The following NOTCH1 variants were observed in gnomAD, a reference collection of about 807,000 sequenced individuals.
NOTCH1 encodes neurogenic locus notch homolog protein 1.
In NOTCH1, 37 loss-of-function variants were observed where a neutral mutation model predicts 254.8. The ratio of observed to expected loss-of-function variants is 0.15; its 90% CI spans 0.11 to 0.19. The LOEUF (loss-of-function observed/expected upper bound fraction) is 0.19. NOTCH1 is among the 10% of genes least tolerant of loss of function. NOTCH1 has a pLI of 1.00. For synonymous variants in NOTCH1, 1,731 were observed against 1,618.1 expected, an observed-to-expected ratio of 1.07 and a Z score of -1.68; for missense variants, 2,972 against 3,708.6, an observed-to-expected ratio of 0.80 and a Z score of 5.16.
chr9:136,515,524 C>T lies in NOTCH1; in HGVS notation c.1862G>A (p.Arg621His), dbSNP rs138504021. 1.2e-3 allele frequency: 1,886 copies of T among 1,611,926 alleles called. 1 individual carries two copies. The highest frequency in any genetic ancestry group is 5.8e-3 in the Middle Eastern group (35 of 6,062). ...PCRHGGTCQD[R>H]DNAYLCFCLK... The stretch of plus-strand genomic sequence containing the variant: ...GCAGAAGCAGAGGTAGGCGTTGTCG[C>T]GGTCCTGGCAGGTGCCCCCGTGGCG... Residue 621 changes from arginine to histidine, a missense_variant, in exon 11 of 34, where the codon CGC becomes CAC. This residue lies in a region of NOTCH1 where 1,343 missense variants were observed against 1,557.0 expected (regional missense o/e 0.86). Coordinates refer to ENST00000651671, the MANE Select transcript of NOTCH1 (RefSeq NM_017617.5).
chr9:136,501,850 G>T lies in NOTCH1; in HGVS notation c.5536C>A (p.Gln1846Lys). Residue 1846 changes from glutamine to lysine, a missense_variant, in exon 30 of 34, where the codon CAG becomes AAG. Physicochemically the swap from Gln to Lys is moderately conservative, Grantham distance 53. Coordinates refer to ENST00000651671, the MANE Select transcript of NOTCH1 (RefSeq NM_017617.5). ...DQTDHRQWTQ[Q>K]HLDAADLRMS... ...CGCAGGTCAGCGGCATCCAGGTGCT[G>T]CTGAGTCCACTGCCGGTGGTCTGTC... 7 of 1,612,638 alleles carry T rather than the reference G, an allele frequency of 4.3e-6. No individual in the cohort carries two copies. Among genetic ancestry groups the T allele is most frequent in the Non-Finnish European group, 5.9e-6 (7 of 1,179,968 alleles).
chr9:136,535,519 G>C (rs1470649073), intron 2 of NOTCH1, among the ~76,000 whole-genome samples: 1 of 76,184 alleles, frequency 1.3e-5, no homozygotes, highest in African/African-American at 9.0e-5. Flanking sequence ...GGAGTGGGTG[G>C]AGGGGGGAGC....
rs1024519667 is a variant in NOTCH1 at position 136,519,377 on chromosome 9, G to A, written c.865+66C>T. 1.4e-5 allele frequency: 23 copies of A among 1,598,224 alleles called. No homozygotes were observed. In the African/African-American group the frequency reaches 3.1e-4, roughly 21 times the overall value. On this transcript the variant is annotated intron_variant, in intron 5 of 33. Transcript: ENST00000651671. ...GCTGCTCCCCGCTATGCCTGTGAGT[G>A]CAGTTTAGTAAGTGGGTAGCAGCCC...
intron 2 of NOTCH1, among the ~76,000 whole-genome samples, chr9:136,532,205 C>T (rs1843572634): frequency 1.3e-5 from 2 of 152,140 alleles, no homozygotes; most frequent in Admixed American, 1.3e-4. Flanking sequence ...CCCAAGACAG[C>T]TGGCACAGGC....
At chr9:136,507,825 C>T in intron 21 of NOTCH1, 130 bp downstream of exon 21, 2 of 993,378 alleles carry the variant, frequency 2.0e-6, no homozygotes, top group Non-Finnish European at 3.1e-6. Context: ...CCCAGCCCTC[C>T]CCTAATGAGA....
intron 28 of NOTCH1, 73 bp downstream of exon 28, chr9:136,502,199 A>T: frequency 1.4e-6 from 2 of 1,479,460 alleles, no homozygotes. Context: ...GGAGGGGCAG[A>T]CTCCCGGTGA....
intron 2 of NOTCH1, among the ~76,000 whole-genome samples, chr9:136,536,509 G>A (rs546223147): frequency 7.9e-5 from 12 of 152,316 alleles, no homozygotes; most frequent in Admixed American, 4.6e-4. Context: ...CAGACTGGGC[G>A]GGTGGGGGCT....
intron 2 of NOTCH1, chr9:136,542,847 C>T (rs973905603): frequency 2.0e-5 from 3 of 152,240 alleles, no homozygotes; most frequent in African/African-American, 7.2e-5. Flanking sequence ...TTCCAGACAC[C>T]AAACACCTCC....
rs2133343484 is a variant in NOTCH1 at position 136,506,792 on chromosome 9, G to A, written c.3825C>T (p.Pro1275=). 6.2e-7 allele frequency: 1 copy of A among 1,611,540 alleles called. No homozygotes were observed. Among genetic ancestry groups the A allele is most frequent in the East Asian group, 2.2e-5 (1 of 44,790 alleles). ...EGDVNECLSN[P]CDARGTQNCV... is the part of the protein sequence containing the mutation. Reference sequence around the variant, plus strand: ...AGTTCTGGGTGCCACGGGCGTCGCAGGGATTGGACAGGCACTCGTTGACAT... The same window carrying A: ...AGTTCTGGGTGCCACGGGCGTCGCAAGGATTGGACAGGCACTCGTTGACAT... Residue 1275 remains proline, a synonymous_variant, in exon 23 of 34, where the codon CCC becomes CCT. Coordinates refer to ENST00000651671, the MANE Select transcript of NOTCH1 (RefSeq NM_017617.5). The surrounding 1 kb of genome is among the most constrained non-coding windows in gnomAD (Gnocchi z 4.5).
chr9:136,501,620 C>G, intron 30 of NOTCH1, 128 bp downstream of exon 30: 1 of 1,167,890 alleles, frequency 8.6e-7, no homozygotes, highest in Admixed American at 2.0e-5. Flanking sequence ...GGAAACACCC[C>G]AAGGATGAAA....
chr9:136,510,200 G>A (rs1843156493), intron 17 of NOTCH1, among the ~76,000 whole-genome samples: 1 of 152,220 alleles, frequency 6.6e-6, no homozygotes, highest in Admixed American at 6.5e-5. Flanking sequence ...TCCAGGGCAG[G>A]GGGCAGCTTT....
At chr9:136,537,614 A>G (rs1253608108) in intron 2 of NOTCH1, among the ~76,000 whole-genome samples, 1 of 152,234 alleles carries the variant, frequency 6.6e-6, no homozygotes, top group African/African-American at 2.4e-5. Flanking sequence ...TGGACAACAT[A>G]GCAAGACCCC....
chr9:136,510,516 A>G, intron 17 of NOTCH1, 137 bp downstream of exon 17: 1 of 1,205,134 alleles, frequency 8.3e-7, no homozygotes, highest in Middle Eastern at 2.7e-4. Context: ...CACATCCCCC[A>G]CACCTGACCC....
rs149934551 is a variant in NOTCH1 at position 136,540,466 on chromosome 9, C to T, written c.140+3558G>A. 2.2e-4 allele frequency among the ~76,000 whole-genome samples: 33 copies of T among 152,240 alleles called. No homozygotes were observed. Among genetic ancestry groups the T allele is most frequent in the African/African-American group, 6.5e-4 (27 of 41,542 alleles). On this transcript the variant is annotated intron_variant, in intron 2 of 33. Coordinates refer to ENST00000651671, the MANE Select transcript of NOTCH1 (RefSeq NM_017617.5). The surrounding 1 kb of genome is among the most constrained non-coding windows in gnomAD (Gnocchi z 4.4). ...ACCTTTAGGATTCTCTGAATTCACT[C>T]GTCAATCAATTAAACATTCAGGAAG...
At chr9:136,510,285 C>T (rs1278905782) in intron 17 of NOTCH1, among the ~76,000 whole-genome samples, 1 of 152,214 alleles carries the variant, frequency 6.6e-6, no homozygotes, top group Non-Finnish European at 1.5e-5. Flanking sequence ...AGCAAGACCC[C>T]CGGCTTCTGC....
Position 136,497,360 on chromosome 9 carries a change from C to A in NOTCH1, c.6379G>T (p.Ala2127Ser). Residue 2127 changes from alanine (A) to serine (S), a missense_variant, in exon 34 of 34, where the codon GCC (alanine) becomes TCC (serine). Ala to Ser is a moderately conservative substitution (Grantham distance 99). Around this residue, in one of 8 missense-constraint regions of NOTCH1, gnomAD observed 529 missense variants for 529.2 expected, o/e 1.00. Transcript: ENST00000651671. Reference protein sequence around the residue: ...NLVRSPQLHGAPLGGTPTLSP... With the variant: ...NLVRSPQLHGSPLGGTPTLSP... Reference sequence around the variant, plus strand: ...AGGGTGGGCGTGCCCCCCAGCGGGGCTCCGTGCAGCTGCGGGCTGCGCACC... The same window carrying A: ...AGGGTGGGCGTGCCCCCCAGCGGGGATCCGTGCAGCTGCGGGCTGCGCACC... 1 of 1,607,096 alleles carries A rather than the reference C, an allele frequency of 6.2e-7. No homozygotes were observed. The highest frequency in any genetic ancestry group is 8.5e-7 in the Non-Finnish European group (1 of 1,179,224).
intron 2 of NOTCH1, among the ~76,000 whole-genome samples, chr9:136,531,674 G>A (rs1250027794): frequency 3.9e-5 from 6 of 152,308 alleles, no homozygotes; most frequent in East Asian, 1.9e-4. Context: ...CCCGCGGGGC[G>A]TCGGCACTGG....
rs2133329824 is a variant in NOTCH1, at chr9:136,502,024, C to T, written c.5449G>A (p.Asp1817Asn). ...DDNQNEWGDE[D>N]LETKKFRFEE... ...ACCCGGAACTTCTTGGTCTCCAGGT[C>T]CTCGTCCCCCCACTCATTCTGGTTG... The change falls in exon 29 of 34, where the codon GAC becomes AAC. Residue 1817 changes from aspartate (D) to asparagine (N), a missense_variant. Around this residue, in one of 8 missense-constraint regions of NOTCH1, gnomAD observed 421 missense variants for 604.4 expected, o/e 0.70. Transcript: ENST00000651671. 1 of 1,613,244 alleles carries T rather than the reference C, an allele frequency of 6.2e-7. No homozygotes were observed.
rs1438164851 is a variant in NOTCH1 at position 136,505,037 on chromosome 9, C to T, written c.4654G>A (p.Ala1552Thr). ...TCCAGCCCGTCCCACTCGCACTCCG[C>T]GCTGTTGCAGCCCTGGTCGCAGTGC... Reference protein sequence around the residue: ...DGHCDQGCNSAECEWDGLDCA... With the variant: ...DGHCDQGCNSTECEWDGLDCA... The change falls in exon 26 of 34, where the codon GCG becomes ACG. Residue 1552 changes from alanine (A) to threonine (T), a missense_variant. Physicochemically the swap from Ala to Thr is moderately conservative, Grantham distance 58. Coordinates refer to ENST00000651671, the MANE Select transcript of NOTCH1 (RefSeq NM_017617.5). 10 of 1,609,920 alleles carry T rather than the reference C, an allele frequency of 6.2e-6. No individual in the cohort carries two copies. Among genetic ancestry groups the T allele is most frequent in the East Asian group, 2.2e-5 (1 of 44,852 alleles).
Sources: gnomAD v4.1 joint callset for allele counts (sites outside exome capture counted in the v4.1 genomes callset) on GRCh38, gnomAD v4.1.1 for gene constraint, gnomAD v4.1.1 regional missense constraint, Gnocchi (gnomAD v3.1) non-coding constraint, MANE v1.5 for transcripts, NCBI Gene and HGNC (gene_info 2026-07-23, HGNC 2026-07-21) for gene names.